The following MYO18B variants were observed in gnomAD, a reference collection of about 807,000 sequenced individuals.
MYO18B encodes unconventional myosin-XVIIIb.
MYO18B carries 204 observed loss-of-function variants against 273.0 expected under a neutral mutation model. The ratio of observed to expected loss-of-function variants is 0.75; its 90% CI spans 0.67 to 0.84. The LOEUF (loss-of-function observed/expected upper bound fraction) is 0.84, where lower values mean the gene tolerates loss of function less well. Among genes scored for constraint, MYO18B ranks in the 40% least tolerant of loss-of-function variants. MYO18B has a pLI of 0.00. For synonymous variants in MYO18B, 1,330 were observed against 1,305.7 expected (o/e 1.02, Z -0.40); for missense variants, 3,212 against 3,287.6 (o/e 0.98, Z 0.56).
intron 42 of MYO18B, among the ~76,000 whole-genome samples, chr22:26,010,473 C>T (rs1934822577): frequency 6.6e-6 from 1 of 152,100 alleles, no homozygotes; most frequent in African/African-American, 2.4e-5. Context: ...CTAATACAAC[C>T]TCTCCTTTAC....
At chr22:25,847,777 C>T in intron 20 of MYO18B, 125 bp downstream of exon 20, 2 of 686,838 alleles carry the variant, frequency 2.9e-6, no homozygotes, top group Admixed American at 2.6e-5. Flanking sequence ...ATCCTGGTTA[C>T]TCTTCCCAGC....
the MYO18B span, among the ~76,000 whole-genome samples, chr22:26,042,454 TG>T: frequency 6.6e-6 from 1 of 152,252 alleles, no homozygotes; most frequent in Non-Finnish European, 1.5e-5. Flanking sequence ...GGGAGCCCAG[TG>T]GAGCCATTCT....
intron 3 of MYO18B, among the ~76,000 whole-genome samples, chr22:25,763,714 G>T (rs1568981294): frequency 1.3e-5 from 2 of 152,190 alleles, no homozygotes; most frequent in African/African-American, 4.8e-5. Flanking sequence ...GAGCAACAAT[G>T]ATTTCTCTCA....
At chr22:25,769,918 T>G in intron 4 of MYO18B, 192 bp from the exon 5 acceptor site, 1 of 627,488 alleles carries the variant, frequency 1.6e-6, no homozygotes, top group Non-Finnish European at 2.9e-6. Context: ...GGTGCAGTGG[T>G]GTGATCTCGG....
At chr22:25,805,116 G>A (rs909721424) in intron 12 of MYO18B, among the ~76,000 whole-genome samples, 34 of 152,156 alleles carry the variant, frequency 2.2e-4, no homozygotes, top group African/African-American at 8.2e-4. Flanking sequence ...GCTCTCAGTG[G>A]GGATGGAACT....
chr22:25,800,815 C>T (rs1287238278), intron 12 of MYO18B, among the ~76,000 whole-genome samples: 4 of 152,218 alleles, frequency 2.6e-5, no homozygotes, highest in African/African-American at 9.6e-5. Flanking sequence ...GATGTGGGCT[C>T]AAGGACCTGA....
At chr22:26,014,689 G>C (rs1935171993) in intron 42 of MYO18B, among the ~76,000 whole-genome samples, 1 of 152,108 alleles carries the variant, frequency 6.6e-6, no homozygotes. Flanking sequence ...CAGTGTATAA[G>C]CATTCGTTTT....
chr22:25,941,976 A>T (rs2092649699), intron 34 of MYO18B, among the ~76,000 whole-genome samples: 1 of 152,230 alleles, frequency 6.6e-6, no homozygotes, highest in African/African-American at 2.4e-5. Flanking sequence ...AAATGGAGTT[A>T]AAAATTCCCA....
At chr22:25,985,490 G>A (rs2093192001) in intron 39 of MYO18B, among the ~76,000 whole-genome samples, 1 of 152,132 alleles carries the variant, frequency 6.6e-6, no homozygotes, top group Non-Finnish European at 1.5e-5. Flanking sequence ...GCTGGAGACT[G>A]GGCATACATT....
rs144820061 is a variant in MYO18B, at chr22:25,831,355, C to A, written c.2980-1562C>A. Among the ~76,000 whole-genome samples the A allele has an allele frequency of 6.8e-3, 1,042 of 152,286 alleles. 15 individuals carry two copies. Among genetic ancestry groups the A allele is most frequent in the African/African-American group, 0.024 (988 of 41,564 alleles). On this transcript the variant is annotated intron_variant, in intron 15 of 43. Transcript: ENST00000335473. ...CTGCAGTGAACATCCTTGTCCACAGCATTTCCTGGACATTTCTAGTGATTT... is the reference window on the plus strand; with the variant it reads ...CTGCAGTGAACATCCTTGTCCACAGAATTTCCTGGACATTTCTAGTGATTT...
At position 26,020,989 on chromosome 22, in the gene MYO18B, G is replaced by A. The variant is rs146148224; in HGVS notation, c.6471-5456G>A. The stretch of plus-strand genomic sequence containing the variant: ...CTGTAATCCCAGCTACTCGGGAGGC[G>A]GAGGCAAGAGAATCACTCGAACCCT... On this transcript the variant is annotated intron_variant, in intron 42 of 43. Transcript: ENST00000335473. Among the ~76,000 whole-genome samples the A allele has an allele frequency of 4.6e-3, 700 of 152,178 alleles. 3 individuals carry two copies. Among genetic ancestry groups the A allele is most frequent in the African/African-American group, 0.015 (638 of 41,506 alleles).
intron 15 of MYO18B, among the ~76,000 whole-genome samples, chr22:25,831,969 T>G (rs5996985): frequency 0.017 from 2,556 of 152,200 alleles, 69 homozygotes; most frequent in East Asian, 0.11. Context: ...TAAACAGACA[T>G]TTCTCCAGAG....
intron 14 of MYO18B, among the ~76,000 whole-genome samples, chr22:25,827,277 A>G (rs116190666): frequency 0.015 from 2,293 of 152,296 alleles, 76 homozygotes; most frequent in African/African-American, 0.05. Flanking sequence ...CCACCTTCTC[A>G]TGTCATACCT....
chr22:25,952,316 C>T lies in MYO18B; in HGVS notation c.5863C>T (p.Leu1955=), dbSNP rs1409187755. Residue 1955 remains leucine (L), a synonymous_variant, in exon 38 of 44, where the codon CTG becomes TTG. Transcript: ENST00000335473. ...GGTGGCTCAGATGCGCATCGAGTAC[C>T]TGGAACAGTCCACCGTGGATCGAGC... ...LQVAQMRIEY[L]EQSTVDRAIV... is the part of the protein sequence containing the mutation. 18 of 1,611,364 alleles carry T rather than the reference C, an allele frequency of 1.1e-5. No individual in the cohort carries two copies. The highest frequency in any genetic ancestry group is 1.5e-5 in the Non-Finnish European group (18 of 1,178,900).
intron 13 of MYO18B, among the ~76,000 whole-genome samples, chr22:25,825,834 G>A (rs959582606): frequency 5.9e-5 from 9 of 152,182 alleles, no homozygotes; most frequent in African/African-American, 1.9e-4. Flanking sequence ...AAGCCTAGGA[G>A]TGAAATTATT....
intron 12 of MYO18B, among the ~76,000 whole-genome samples, chr22:25,819,372 G>GAGAGCAGGCATGGAGT (rs2089178536): frequency 6.6e-6 from 1 of 152,204 alleles, no homozygotes; most frequent in Admixed American, 6.5e-5. Context: ...CAAGTGTTTA[G>GAGAGCAGGCATGGAGT]AGAGCAGGCA....
intron 1 of MYO18B, 98 bp from the exon 2 acceptor site, chr22:25,760,886 T>C (rs1457037890): frequency 6.5e-6 from 4 of 611,322 alleles, no homozygotes; most frequent in African/African-American, 1.8e-5. Context: ...TTCCCCCATG[T>C]GGTCTTGGTT....
At chr22:25,937,385 G>T (rs2092592511) in intron 34 of MYO18B, among the ~76,000 whole-genome samples, 1 of 151,990 alleles carries the variant, frequency 6.6e-6, no homozygotes, top group Non-Finnish European at 1.5e-5. Context: ...TGCCCAGCAG[G>T]GAAGTGTTTT....
chr22:26,056,433 GTA>G, the MYO18B span, among the ~76,000 whole-genome samples: 2 of 152,154 alleles, frequency 1.3e-5, no homozygotes, highest in Non-Finnish European at 2.9e-5. Flanking sequence ...TAGAACCCAG[GTA>G]TCCTCACTCC....
Sources: gnomAD v4.1 joint callset for allele counts (sites outside exome capture counted in the v4.1 genomes callset) on GRCh38, gnomAD v4.1.1 for gene constraint, MANE v1.5 for transcripts, NCBI Gene and HGNC (gene_info 2026-07-23, HGNC 2026-07-21) for gene names.